Variants in CLVS1 observed in about 807,000 individuals in gnomAD.
The protein encoded by CLVS1 is clavesin-1.
CLVS1 carries 10 observed loss-of-function variants against 33.1 expected under a neutral mutation model. That is an observed-to-expected ratio of 0.30 (90% confidence interval 0.19 to 0.51). CLVS1 has a LOEUF of 0.51. Among genes scored for constraint, CLVS1 ranks in the 20% least tolerant of loss-of-function variants. The pLI is 0.97. For synonymous variants in CLVS1, 163 were observed against 166.1 expected, an observed-to-expected ratio of 0.98 and a Z score of 0.14; for missense variants, 343 against 433.4, an observed-to-expected ratio of 0.79 and a Z score of 1.85.
intron 2 of CLVS1, among the ~76,000 whole-genome samples, chr8:61,233,536 A>AAAAAGG (rs977961426): frequency 4.0e-5 from 6 of 151,606 alleles, no homozygotes; most frequent in Non-Finnish European, 8.8e-5. Context: ...AAAGAAAAAG[A>AAAAAGG]AAAAGAAAAA....
intron 5 of CLVS1, among the ~76,000 whole-genome samples, chr8:61,483,898 C>A (rs577302507): frequency 4.6e-5 from 7 of 152,286 alleles, no homozygotes; most frequent in East Asian, 1.9e-4. Flanking sequence ...AATTCAACAA[C>A]CTTCATGCTG....
At chr8:61,121,117 G>A (rs1279318213) in intron 1 of CLVS1, among the ~76,000 whole-genome samples, 2 of 151,912 alleles carry the variant, frequency 1.3e-5, no homozygotes, top group Admixed American at 1.3e-4. Flanking sequence ...CAGTATTCGG[G>A]TGGGAGTGAC....
At chr8:61,131,343 T>C (rs1806095653) in intron 1 of CLVS1, among the ~76,000 whole-genome samples, 1 of 152,268 alleles carries the variant, frequency 6.6e-6, no homozygotes, top group Non-Finnish European at 1.5e-5. Flanking sequence ...GCAGTGGTTA[T>C]GCAGGTGAAA....
chr8:61,281,260 C>T (rs1016591173), intron 2 of CLVS1, among the ~76,000 whole-genome samples: 1 of 152,076 alleles, frequency 6.6e-6, no homozygotes, highest in East Asian at 1.9e-4. Flanking sequence ...TAGGGAAACA[C>T]ATTTGGGGGT....
intron 2 of CLVS1, among the ~76,000 whole-genome samples, chr8:61,175,888 G>A (rs1244259432): frequency 6.6e-6 from 1 of 152,170 alleles, no homozygotes; most frequent in Non-Finnish European, 1.5e-5. Flanking sequence ...AGGAGAGAGT[G>A]CCATCTCAGC....
intron 2 of CLVS1, chr8:61,370,772 C>T (rs1034698141): frequency 1.3e-5 from 2 of 152,158 alleles, no homozygotes; most frequent in Non-Finnish European, 2.9e-5. Context: ...TTTCCATTCC[C>T]ACGTTACTTC....
chr8:61,072,036 C>T (rs1028562671), intron 1 of CLVS1, among the ~76,000 whole-genome samples: 3 of 152,218 alleles, frequency 2.0e-5, no homozygotes, highest in South Asian at 2.1e-4. Context: ...AAAGATGTTG[C>T]GCTGGCTTGC....
chr8:61,025,969 T>A, the CLVS1 span, among the ~76,000 whole-genome samples: 1 of 152,214 alleles, frequency 6.6e-6, no homozygotes, highest in African/African-American at 2.4e-5. Flanking sequence ...CCTAAGATTG[T>A]GCTATCTGAA....
At chr8:61,285,600 C>G (rs529944273), upstream of CLVS1, among the ~76,000 whole-genome samples, 355 of 152,268 alleles carry the variant, frequency 2.3e-3, 1 homozygote, top group Middle Eastern at 6.8e-3. Context: ...TCCTGGCACG[C>G]CCAACTCAGT....
chr8:60,993,183 G>T, the CLVS1 span, among the ~76,000 whole-genome samples: 1 of 152,210 alleles, frequency 6.6e-6, no homozygotes, highest in Admixed American at 6.5e-5. Flanking sequence ...ACCACTGATT[G>T]GTGGGAGGGG....
At chr8:61,353,230 C>G (rs192686796) in intron 2 of CLVS1, among the ~76,000 whole-genome samples, 74 of 152,134 alleles carry the variant, frequency 4.9e-4, no homozygotes, top group African/African-American at 1.6e-3. Flanking sequence ...CATCACACAA[C>G]AACAGCAAGG....
chr8:61,359,167 A>T (rs1563515029), intron 2 of CLVS1, among the ~76,000 whole-genome samples: 1 of 152,184 alleles, frequency 6.6e-6, no homozygotes, highest in Non-Finnish European at 1.5e-5. Flanking sequence ...TCATTCACAG[A>T]ACTAAGTTAC....
intron 3 of CLVS1, among the ~76,000 whole-genome samples, chr8:61,421,582 T>A (rs1815668163): frequency 6.6e-6 from 1 of 152,150 alleles, no homozygotes; most frequent in African/African-American, 2.4e-5. Context: ...ACTAAATTTT[T>A]CAATTTATCA....
intron 2 of CLVS1, among the ~76,000 whole-genome samples, chr8:61,351,965 A>C (rs1411464909): frequency 6.6e-6 from 1 of 152,092 alleles, no homozygotes; most frequent in African/African-American, 2.4e-5. Context: ...TAAAAGATAG[A>C]AGAAAGAATC....
the CLVS1 span, among the ~76,000 whole-genome samples, chr8:60,987,608 T>C: frequency 1.8e-4 from 28 of 152,340 alleles, 1 homozygote; most frequent in Middle Eastern, 3.4e-3. Context: ...TGAACCTCCA[T>C]TTCCTCATTT....
chr8:60,969,639 C>T, the CLVS1 span, among the ~76,000 whole-genome samples: 78 of 152,020 alleles, frequency 5.1e-4, no homozygotes, highest in South Asian at 0.015. Flanking sequence ...TTGGCAGGGG[C>T]GGGGGCTGTT....
intron 1 of CLVS1, among the ~76,000 whole-genome samples, chr8:61,064,251 A>G (rs991696257): frequency 2.0e-5 from 3 of 152,192 alleles, no homozygotes; most frequent in African/African-American, 7.2e-5. Context: ...TAGGAGTGGA[A>G]TTGCTGGATC....
chr8:60,977,916 G>A, the CLVS1 span, among the ~76,000 whole-genome samples: 2 of 152,146 alleles, frequency 1.3e-5, no homozygotes, highest in African/African-American at 4.8e-5. Context: ...AGCAACAAGA[G>A]AAAAGCAACT....
At chr8:61,288,877 T>C (rs1480567147) in intron 1 of CLVS1, among the ~76,000 whole-genome samples, 7 of 152,192 alleles carry the variant, frequency 4.6e-5, no homozygotes, top group Non-Finnish European at 7.3e-5. Flanking sequence ...CTTTTTTCAC[T>C]AAAATGTTTT....
Sources: gnomAD v4.1 joint callset for allele counts (sites outside exome capture counted in the v4.1 genomes callset) on GRCh38, gnomAD v4.1.1 for gene constraint, MANE v1.5 for transcripts, NCBI Gene and HGNC (gene_info 2026-07-23, HGNC 2026-07-21) for gene names.